The following PTPRB variants were observed in gnomAD, a reference collection of about 807,000 sequenced individuals.
PTPRB encodes the protein protein tyrosine phosphatase receptor type B, also known as receptor-type tyrosine-protein phosphatase beta.
In PTPRB, 97 loss-of-function variants were observed where a neutral mutation model predicts 238.1. That is an observed-to-expected ratio of 0.41 (90% CI 0.35 to 0.48). The LOEUF (loss-of-function observed/expected upper bound fraction) is 0.48, where lower values mean the gene tolerates loss of function less well. Among genes scored for constraint, PTPRB ranks in the 20% least tolerant of loss-of-function variants. The pLI is 0.30. For missense variants in PTPRB, 2,292 were observed against 2,681.9 expected (o/e 0.85, Z 3.21); for synonymous variants, 970 against 995.4 (o/e 0.97, Z 0.48).
rs781737365 is a variant in PTPRB, at chr12:70,622,423, C to T, written c.675G>A (p.Ser225=). The change falls in exon 3 of 34, where the codon TCG becomes TCA. Residue 225 remains serine, a synonymous_variant. Transcript: ENST00000334414. Reference sequence around the variant, plus strand: ...TGGTGCTGGAGAAGGGCTGAGTAGTCGACAAAACCCATGATGTGTCTGTAA... The same window carrying T: ...TGGTGCTGGAGAAGGGCTGAGTAGTTGACAAAACCCATGATGTGTCTGTAA... The part of the protein sequence containing the change: ...TGITDTSWVL[S]TTQPFSSTTE... 1.1e-5 allele frequency: 18 copies of T among 1,612,226 alleles called. No individual in the cohort carries two copies. Among genetic ancestry groups the T allele is most frequent in the African/African-American group, 4.0e-5 (3 of 74,820 alleles).
At chr12:70,633,828 A>G (rs560068015) in intron 2 of PTPRB, among the ~76,000 whole-genome samples, 134 of 152,260 alleles carry the variant, frequency 8.8e-4, no homozygotes, top group African/African-American at 3.1e-3. Flanking sequence ...CACTGAGTCC[A>G]TATCTACTTT....
intron 32 of PTPRB, among the ~76,000 whole-genome samples, 166 bp downstream of exon 32, chr12:70,531,869 T>A (rs1291684414): frequency 6.6e-6 from 1 of 152,228 alleles, no homozygotes; most frequent in Non-Finnish European, 1.5e-5. Flanking sequence ...CCAGTGAGAT[T>A]TGTTTTAAAA....
chr12:70,555,856 C>G lies in PTPRB; in HGVS notation c.4993+14G>C. On this transcript the variant is annotated intron_variant, in intron 19 of 33. Coordinates refer to ENST00000334414, the MANE Select transcript of PTPRB (RefSeq NM_001109754.4). ...GTGACAGGAGGCTCTGTGCGCACCT[C>G]CAGGGACACTTACGGTCTATCATTG... 6.2e-7 allele frequency: 1 copy of G among 1,611,078 alleles called. No homozygotes were observed. Among genetic ancestry groups the G allele is most frequent in the East Asian group, 2.2e-5 (1 of 44,836 alleles).
intron 28 of PTPRB, 129 bp from the exon 29 acceptor site, chr12:70,536,288 A>G: frequency 1.9e-6 from 2 of 1,046,914 alleles, no homozygotes; most frequent in Non-Finnish European, 1.4e-6. Context: ...AGATACTAAC[A>G]CAAGTGTCAA....
intron 3 of PTPRB, among the ~76,000 whole-genome samples, chr12:70,615,602 G>A (rs939199822): frequency 6.6e-6 from 1 of 152,152 alleles, no homozygotes; most frequent in Non-Finnish European, 1.5e-5. Flanking sequence ...GAGTGCAAGT[G>A]AGCCACTCTT....
chr12:70,559,132 T>C lies in PTPRB; in HGVS notation c.4714+211A>G. On this transcript the variant is annotated intron_variant, in intron 18 of 33. Transcript: ENST00000334414. ...TTACAAATAGTACGTCCTACCTAAT[T>C]GTAAGCCCCATGAGGGCAGAGAGAG... is the stretch of plus-strand genomic sequence containing the variant. 4 of 616,906 alleles carry C rather than the reference T, an allele frequency of 6.5e-6. No individual in the cohort carries two copies. In the South Asian group the frequency reaches 8.0e-5, roughly 12 times the overall value. The allele number at this position is 616,906 out of a possible 1,614,324, so 38.2% of individuals were successfully genotyped here. A position where few individuals can be genotyped will look rare whatever the true frequency, so the allele number is the denominator to read the frequency against.
intron 27 of PTPRB, 44 bp from the exon 28 acceptor site, chr12:70,538,275 A>G (rs1874491037): frequency 1.3e-6 from 2 of 1,537,544 alleles, no homozygotes; most frequent in African/African-American, 1.4e-5. Flanking sequence ...TGACTTTTCT[A>G]CAGTTTATGT....
chr12:70,537,161 C>A (rs1874262997), intron 28 of PTPRB, among the ~76,000 whole-genome samples: 1 of 151,924 alleles, frequency 6.6e-6, no homozygotes, highest in Non-Finnish European at 1.5e-5. Flanking sequence ...GTGGCAGGTG[C>A]CTGTAGTCTC....
intron 2 of PTPRB, among the ~76,000 whole-genome samples, chr12:70,633,536 AT>A (rs1341800758): frequency 6.6e-6 from 1 of 151,672 alleles, no homozygotes; most frequent in Non-Finnish European, 1.5e-5. Flanking sequence ...TTAGCTTATA[AT>A]TGTGTTAAAG....
At chr12:70,637,084 G>A (rs974313438) in intron 1 of PTPRB, among the ~76,000 whole-genome samples, 3 of 152,094 alleles carry the variant, frequency 2.0e-5, no homozygotes, top group Non-Finnish European at 2.9e-5. Flanking sequence ...GGTTCTTTAC[G>A]CTCTGCTCTA....
At chr12:70,606,928 T>G (rs1209112942) in intron 4 of PTPRB, among the ~76,000 whole-genome samples, 3 of 152,264 alleles carry the variant, frequency 2.0e-5, no homozygotes, top group African/African-American at 7.2e-5. Flanking sequence ...GCAACTTTCA[T>G]GCTTCACATT....
chr12:70,521,387 T>G lies in PTPRB; in HGVS notation c.*102A>C, dbSNP rs1871632537. Reference sequence around the variant, plus strand: ...CTCCAGATTAATAAATTATACATAGTATCAACAGAAATAGCTGGCACCTCT... The same window carrying G: ...CTCCAGATTAATAAATTATACATAGGATCAACAGAAATAGCTGGCACCTCT... On this transcript the variant is annotated 3_prime_UTR_variant, in exon 34 of 34. Transcript: ENST00000334414. 6.8e-6 allele frequency: 5 copies of G among 739,890 alleles called. No homozygotes were observed. Among genetic ancestry groups the G allele is most frequent in the Non-Finnish European group, 1.0e-5 (5 of 481,156 alleles). 45.8% of individuals were successfully genotyped at this position (739,890 alleles called of 1,614,324 possible). A position where few individuals can be genotyped will look rare whatever the true frequency, so the allele number is the denominator to read the frequency against.
chr12:70,586,936 G>A, intron 9 of PTPRB, 71 bp downstream of exon 9: 1 of 1,447,244 alleles, frequency 6.9e-7, no homozygotes, highest in Non-Finnish European at 9.5e-7. Context: ...ATGAATACTT[G>A]TAAATTGCAT....
chr12:70,628,092 C>T (rs1566024464), intron 2 of PTPRB, among the ~76,000 whole-genome samples: 2 of 152,110 alleles, frequency 1.3e-5, no homozygotes, highest in African/African-American at 4.8e-5. Flanking sequence ...AGCAAAATCT[C>T]TTTTAGGGAT....
At chr12:70,623,639 A>G (rs562141761) in intron 2 of PTPRB, among the ~76,000 whole-genome samples, 15 of 152,336 alleles carry the variant, frequency 9.8e-5, no homozygotes, top group African/African-American at 3.4e-4. Context: ...TTTATGGGAT[A>G]GAAAACCCCA....
chr12:70,615,012 G>A (rs1884616852), intron 3 of PTPRB, among the ~76,000 whole-genome samples: 1 of 152,090 alleles, frequency 6.6e-6, no homozygotes, highest in Admixed American at 6.6e-5. Context: ...AATAATAGAA[G>A]CATTAGGAGA....
rs199754103 is a variant in PTPRB, at chr12:70,609,784, A to T, written c.709-445T>A. ...ACCTGCAGCAGGCTCAGTGTGATCCACAAGGCCAACCCGGCTCCATGGCTC... is the reference window on the plus strand; with the variant it reads ...ACCTGCAGCAGGCTCAGTGTGATCCTCAAGGCCAACCCGGCTCCATGGCTC... On this transcript the variant is annotated intron_variant, in intron 3 of 33. Coordinates refer to ENST00000334414, the MANE Select transcript of PTPRB (RefSeq NM_001109754.4). The T allele has an allele frequency of 3.7e-5, 58 of 1,587,766 alleles. No homozygotes were observed. In the East Asian group the frequency reaches 1.2e-3, roughly 34 times the overall value.
At chr12:70,623,504 T>C (rs1017492755) in intron 2 of PTPRB, among the ~76,000 whole-genome samples, 2 of 152,204 alleles carry the variant, frequency 1.3e-5, no homozygotes, top group Non-Finnish European at 2.9e-5. Context: ...CTGATGTTGC[T>C]GGTTTTTGGG....
At chr12:70,594,848 T>C in intron 5 of PTPRB, 124 bp from the exon 6 acceptor site, 3 of 1,220,066 alleles carry the variant, frequency 2.5e-6, no homozygotes, top group Non-Finnish European at 3.4e-6. Context: ...GATAATAGCA[T>C]TAGTAAATAA....
Sources: gnomAD v4.1 joint callset for allele counts (sites outside exome capture counted in the v4.1 genomes callset) on GRCh38, gnomAD v4.1.1 for gene constraint, MANE v1.5 for transcripts, NCBI Gene and HGNC (gene_info 2026-07-23, HGNC 2026-07-21) for gene names.